CAB39: variants seen among roughly 807,000 people sequenced by gnomAD.
The protein encoded by CAB39 is calcium binding protein 39.
CAB39 carries 8 observed loss-of-function variants against 40.0 expected under a neutral mutation model. The observed-to-expected ratio is 0.20, with a 90% CI of 0.12 to 0.36. The LOEUF (loss-of-function observed/expected upper bound fraction) is 0.36. CAB39 is among the 10% of genes least tolerant of loss of function. CAB39 has a pLI of 1.00. For synonymous variants in CAB39, 156 were observed against 141.6 expected (o/e 1.10, Z -0.72); for missense variants, 270 against 401.1 (o/e 0.67, Z 2.79).
At chr2:230,761,940 C>G (rs1196607262) in intron 2 of CAB39, among the ~76,000 whole-genome samples, 1 of 150,998 alleles carries the variant, frequency 6.6e-6, no homozygotes, top group Non-Finnish European at 1.5e-5. Flanking sequence ...TGGAGTCTCG[C>G]TCGGTTAGCC....
chr2:230,752,966 T>C (rs191200344), intron 1 of CAB39, among the ~76,000 whole-genome samples: 2 of 152,228 alleles, frequency 1.3e-5, no homozygotes, highest in Admixed American at 6.5e-5. Flanking sequence ...AGGTAGGCCA[T>C]TGGTCGGGCT....
intron 5 of CAB39, among the ~76,000 whole-genome samples, chr2:230,803,052 C>T (rs1696120812): frequency 6.6e-6 from 1 of 152,148 alleles, no homozygotes; most frequent in African/African-American, 2.4e-5. Flanking sequence ...AAAAGAGTAT[C>T]CACCACGATC....
At chr2:230,769,291 A>G (rs1317174097) in intron 2 of CAB39, among the ~76,000 whole-genome samples, 2 of 152,236 alleles carry the variant, frequency 1.3e-5, no homozygotes, top group African/African-American at 2.4e-5. Context: ...GAAGTAGTCA[A>G]ATACACAATT....
At chr2:230,747,735 T>G (rs1174446975) in intron 1 of CAB39, among the ~76,000 whole-genome samples, 1 of 152,248 alleles carries the variant, frequency 6.6e-6, no homozygotes, top group Non-Finnish European at 1.5e-5. Context: ...ATTACTATGT[T>G]TTAAATTATG....
intron 5 of CAB39, among the ~76,000 whole-genome samples, chr2:230,809,860 G>A (rs1033841544): frequency 6.6e-6 from 1 of 152,090 alleles, no homozygotes. Flanking sequence ...TTTCTCCACC[G>A]GGAGCGCTAA....
At chr2:230,799,926 G>T (rs1224246893) in intron 5 of CAB39, among the ~76,000 whole-genome samples, 1 of 151,742 alleles carries the variant, frequency 6.6e-6, no homozygotes, top group South Asian at 2.1e-4. Flanking sequence ...GGAGACGGAG[G>T]TTGTGGTAAC....
At chr2:230,727,935 T>A (rs1694615828) in intron 1 of CAB39, among the ~76,000 whole-genome samples, 1 of 152,072 alleles carries the variant, frequency 6.6e-6, no homozygotes, top group Middle Eastern at 3.2e-3. Context: ...AGATACCAAA[T>A]TCATGTTACA....
chr2:230,794,458 C>T (rs77348710), intron 4 of CAB39, among the ~76,000 whole-genome samples: 2,073 of 152,236 alleles, frequency 0.014, 48 homozygotes, highest in African/African-American at 0.046. Flanking sequence ...GCCCATATTT[C>T]CTTTTCCATA....
At chr2:230,746,443 A>T (rs1478944375) in intron 1 of CAB39, among the ~76,000 whole-genome samples, 1 of 152,224 alleles carries the variant, frequency 6.6e-6, no homozygotes, top group Admixed American at 6.5e-5. Flanking sequence ...GCATAACAGG[A>T]TGGCTCTATA....
chr2:230,794,973 C>G (rs370860255), intron 4 of CAB39, among the ~76,000 whole-genome samples: 1 of 152,090 alleles, frequency 6.6e-6, no homozygotes. Flanking sequence ...TTTTACAGTT[C>G]GTTTATTTAA....
intron 1 of CAB39, among the ~76,000 whole-genome samples, chr2:230,726,697 C>G (rs369915288): frequency 6.6e-6 from 1 of 151,770 alleles, no homozygotes. Context: ...TTAAAATCAT[C>G]CATTTCTGTT....
chr2:230,736,697 G>GAGGGGA lies in CAB39; in HGVS notation c.-43-23258_-43-23253dup, dbSNP rs940612650. Reference sequence around the variant, plus strand: ...ATACTTCTCAAATCGTGGTCAGGAGGAGGGGAAGGAGGGGAGTCAAAAAAT... The same window carrying GAGGGGA: ...ATACTTCTCAAATCGTGGTCAGGAGGAGGGGAAGGGGAAGGAGGGGAGTCAAAAAAT... On this transcript the variant is annotated intron_variant, in intron 1 of 8. Transcript: ENST00000258418. 5.3e-5 allele frequency among the ~76,000 whole-genome samples: 8 copies of GAGGGGA among 152,288 alleles called. No homozygotes were observed. The East Asian group carries it at 1.3e-3, about 26-fold the overall frequency.
At chr2:230,737,164 T>A (rs1168016247) in intron 1 of CAB39, among the ~76,000 whole-genome samples, 2 of 152,198 alleles carry the variant, frequency 1.3e-5, no homozygotes, top group Non-Finnish European at 2.9e-5. Flanking sequence ...TAGAAAAAAT[T>A]TTTTAAATTG....
At chr2:230,763,102 C>G (rs1440977695) in intron 2 of CAB39, among the ~76,000 whole-genome samples, 1 of 152,128 alleles carries the variant, frequency 6.6e-6, no homozygotes, top group Non-Finnish European at 1.5e-5. Flanking sequence ...GTAATAAACT[C>G]ATTACAAGTT....
chr2:230,767,939 A>G (rs1259190308), intron 2 of CAB39, among the ~76,000 whole-genome samples: 1 of 152,096 alleles, frequency 6.6e-6, no homozygotes, highest in Non-Finnish European at 1.5e-5. Flanking sequence ...CCAATCCTCT[A>G]TTTAAAATGC....
chr2:230,758,826 AAAGTGTCATCTTTCGGTG>A (rs899694733), intron 1 of CAB39, among the ~76,000 whole-genome samples: 5 of 152,182 alleles, frequency 3.3e-5, no homozygotes, highest in Non-Finnish European at 7.3e-5. Context: ...GTTTTTCTAA[AAAGTGTCATCTTTCGGTG>A]TCTGATAGGA....
At chr2:230,815,382 T>C (rs1049154861) in intron 7 of CAB39, among the ~76,000 whole-genome samples, 2 of 151,990 alleles carry the variant, frequency 1.3e-5, no homozygotes, top group African/African-American at 2.4e-5. Context: ...GTGGGAGGAG[T>C]TTCTCCTCCC....
At chr2:230,764,810 C>G (rs549573954) in intron 2 of CAB39, among the ~76,000 whole-genome samples, 11 of 152,272 alleles carry the variant, frequency 7.2e-5, no homozygotes, top group African/African-American at 2.4e-4. Flanking sequence ...GAACTTATAG[C>G]TGAAATAATC....
chr2:230,728,981 T>C (rs1417513421), intron 1 of CAB39, among the ~76,000 whole-genome samples: 1 of 152,212 alleles, frequency 6.6e-6, no homozygotes, highest in East Asian at 1.9e-4. Context: ...AATATGAAAT[T>C]GTCAAAGAAG....
Sources: allele counts gnomAD v4.1 joint callset (sites outside exome capture counted in the v4.1 genomes callset), GRCh38; gene constraint gnomAD v4.1.1; transcripts MANE v1.5; gene names NCBI Gene and HGNC (gene_info 2026-07-23, HGNC 2026-07-21).